Variants in RAPGEF2 observed in about 807,000 individuals in gnomAD.
RAPGEF2 encodes Rap guanine nucleotide exchange factor 2.
RAPGEF2 carries 54 observed loss-of-function variants against 186.7 expected under a neutral mutation model. The ratio of observed to expected loss-of-function variants is 0.29; its 90% confidence interval spans 0.23 to 0.36. The LOEUF is 0.36. RAPGEF2 is among the 10% of genes least tolerant of loss of function. RAPGEF2 has a pLI of 1.00. For synonymous variants in RAPGEF2, 712 were observed against 705.9 expected (o/e 1.01, Z -0.14); for missense variants, 1,532 against 2,045.0 (o/e 0.75, Z 4.84).
At chr4:159,104,343 T>G in intron 1 of RAPGEF2, 112 bp downstream of exon 1, 6 of 432,378 alleles carry the variant, frequency 1.4e-5, no homozygotes, top group Non-Finnish European at 2.1e-5. Context: ...ACCCCACTTC[T>G]TGCATCAGGA....
At chr4:159,357,978 A>C in intron 29 of RAPGEF2, 136 bp from the exon 30 acceptor site, 1 of 822,340 alleles carries the variant, frequency 1.2e-6, no homozygotes, top group Non-Finnish European at 1.8e-6. Flanking sequence ...AAAAAAAGAC[A>C]AGGATTCTAA....
intron 1 of RAPGEF2, among the ~76,000 whole-genome samples, chr4:159,162,868 CTT>C (rs1405471921): frequency 6.6e-6 from 1 of 151,850 alleles, no homozygotes; most frequent in Non-Finnish European, 1.5e-5. Flanking sequence ...TAAGTTGTCT[CTT>C]TTATTGTTCC....
At chr4:159,149,450 G>A (rs1427067385) in intron 1 of RAPGEF2, among the ~76,000 whole-genome samples, 1 of 151,964 alleles carries the variant, frequency 6.6e-6, no homozygotes, top group Non-Finnish European at 1.5e-5. Flanking sequence ...GTGGAGACAG[G>A]GTTTCAGCAT....
rs1339349563 is a variant in RAPGEF2 at position 159,111,770 on chromosome 4, A to G, written c.69+7539A>G. On this transcript the variant is annotated intron_variant, in intron 1 of 29. Transcript: ENST00000691494. ...TTCAGTGGAATCATTATCTTTCTTA[A>G]ACTTTTTAGCTTAAGATAAATGTAG... Among the ~76,000 whole-genome samples, 3 of 152,192 alleles carry G rather than the reference A, an allele frequency of 2.0e-5. No homozygotes were observed. The East Asian group carries it at 5.8e-4, about 29-fold the overall frequency.
chr4:159,263,419 A>C (rs2110757550), intron 7 of RAPGEF2, among the ~76,000 whole-genome samples: 1 of 152,312 alleles, frequency 6.6e-6, no homozygotes, highest in East Asian at 1.9e-4. Flanking sequence ...TGAAACACTA[A>C]AAATCCAGTT....
At chr4:159,234,011 A>G (rs1752950605) in intron 4 of RAPGEF2, among the ~76,000 whole-genome samples, 1 of 152,048 alleles carries the variant, frequency 6.6e-6, no homozygotes, top group Admixed American at 6.5e-5. Flanking sequence ...TTCCATATGA[A>G]TTTTAGGACC....
chr4:159,120,930 C>T (rs1414068822), intron 1 of RAPGEF2, among the ~76,000 whole-genome samples: 1 of 151,872 alleles, frequency 6.6e-6, no homozygotes, highest in South Asian at 2.1e-4. Context: ...TCTTGGCTCA[C>T]TGCAACCTCT....
At chr4:159,183,962 G>T (rs1747291486) in intron 1 of RAPGEF2, among the ~76,000 whole-genome samples, 1 of 152,068 alleles carries the variant, frequency 6.6e-6, no homozygotes, top group Non-Finnish European at 1.5e-5. Flanking sequence ...TCATTGTTCA[G>T]TTCCCACCTG....
At chr4:159,188,957 T>G (rs979067920) in intron 2 of RAPGEF2, among the ~76,000 whole-genome samples, 2 of 152,208 alleles carry the variant, frequency 1.3e-5, no homozygotes, top group East Asian at 3.9e-4. Context: ...TAAACTAATT[T>G]AAGTTCTTTT....
At chr4:159,172,188 C>T (rs1745981657) in intron 1 of RAPGEF2, among the ~76,000 whole-genome samples, 1 of 152,166 alleles carries the variant, frequency 6.6e-6, no homozygotes, top group Non-Finnish European at 1.5e-5. Context: ...TTTTCACTAG[C>T]CTTCTTTGAA....
chr4:159,114,819 G>C (rs1173260927), intron 1 of RAPGEF2, among the ~76,000 whole-genome samples: 1 of 152,058 alleles, frequency 6.6e-6, no homozygotes, highest in Non-Finnish European at 1.5e-5. Flanking sequence ...TTCTTTAAAT[G>C]GTTACTTTTG....
chr4:159,268,059 T>TC, intron 7 of RAPGEF2: 1 of 1,491,914 alleles, frequency 6.7e-7, no homozygotes, highest in Non-Finnish European at 8.9e-7. Context: ...TTTTTTTTTT[T>TC]CCTTTTTCTT....
At chr4:159,163,881 A>G (rs924423381) in intron 1 of RAPGEF2, among the ~76,000 whole-genome samples, 1 of 152,166 alleles carries the variant, frequency 6.6e-6, no homozygotes, top group Non-Finnish European at 1.5e-5. Context: ...AAGAAATTAT[A>G]GTACATGGAT....
intron 4 of RAPGEF2, among the ~76,000 whole-genome samples, chr4:159,232,240 C>T (rs1449811362): frequency 4.6e-5 from 7 of 152,162 alleles, no homozygotes; most frequent in Non-Finnish European, 1.0e-4. Flanking sequence ...CTTTCTAAAG[C>T]TTTTCTGTAA....
intron 1 of RAPGEF2, among the ~76,000 whole-genome samples, chr4:159,148,784 A>G (rs1459057367): frequency 3.9e-5 from 6 of 152,262 alleles, no homozygotes; most frequent in Non-Finnish European, 5.9e-5. Context: ...TGTCAAGAAC[A>G]GGTCTAGAAG....
chr4:159,164,225 C>T lies in RAPGEF2; in HGVS notation c.70-22417C>T, dbSNP rs1453387931. On this transcript the variant is annotated intron_variant, in intron 1 of 29. Coordinates refer to ENST00000691494, the MANE Select transcript of RAPGEF2 (RefSeq NM_001394067.2). Reference sequence around the variant, plus strand: ...TTCACCGTGTTAGCCAGGATGGTCTCGATGTCCTGACCTTGTGATCCGCCC... The same window carrying T: ...TTCACCGTGTTAGCCAGGATGGTCTTGATGTCCTGACCTTGTGATCCGCCC... Among the ~76,000 whole-genome samples, 6 of 151,110 alleles carry T rather than the reference C, an allele frequency of 4.0e-5. No individual in the cohort carries two copies. In the South Asian group the frequency reaches 6.2e-4, roughly 16 times the overall value.
At chr4:159,283,838 G>C (rs977959995) in intron 7 of RAPGEF2, among the ~76,000 whole-genome samples, 1 of 152,158 alleles carries the variant, frequency 6.6e-6, no homozygotes, top group Non-Finnish European at 1.5e-5. Context: ...GCTGAAGCCT[G>C]ATATTAAGTG....
intron 3 of RAPGEF2, among the ~76,000 whole-genome samples, chr4:159,210,197 A>C (rs1438898677): frequency 3.9e-5 from 6 of 152,236 alleles, no homozygotes; most frequent in Non-Finnish European, 7.3e-5. Flanking sequence ...CATTTTATGA[A>C]GCAAGTGAAA....
chr4:159,341,542 G>C, intron 19 of RAPGEF2, 22 bp from the exon 20 acceptor site: 1 of 1,554,600 alleles, frequency 6.4e-7, no homozygotes, highest in Non-Finnish European at 8.7e-7. Context: ...CTTTGACTCT[G>C]ATATGTTTCT....
Sources: gnomAD v4.1 joint callset for allele counts (sites outside exome capture counted in the v4.1 genomes callset) on GRCh38, gnomAD v4.1.1 for gene constraint, MANE v1.5 for transcripts, NCBI Gene and HGNC (gene_info 2026-07-23, HGNC 2026-07-21) for gene names.